The following DAB1 variants were observed in gnomAD, a reference collection of about 807,000 sequenced individuals.
The protein encoded by DAB1 is DAB adaptor protein 1, also known as disabled homolog 1.
In DAB1, 15 loss-of-function variants were observed where a neutral mutation model predicts 64.6. The observed-to-expected ratio is 0.23, with a 90% CI of 0.16 to 0.36. The LOEUF is 0.36. Among genes scored for constraint, DAB1 ranks in the 10% least tolerant of loss-of-function variants. The pLI is 1.00. For synonymous variants in DAB1, 235 were observed against 251.9 expected (o/e 0.93, Z 0.64); for missense variants, 596 against 706.7 (o/e 0.84, Z 1.78).
rs555367137 is a variant in DAB1, at chr1:58,326,833, C to G, written n.309+16519G>C. Among the ~76,000 whole-genome samples the G allele has an allele frequency of 4.6e-5, 7 of 152,326 alleles. No individual in the cohort carries two copies. The East Asian group carries it at 9.7e-4, about 21-fold the overall frequency. ...TTCCCTGCAGCCCACCTTCCAAACC[C>G]CTCAGCCCCTATCCCCATCCCAGAC... On this transcript the variant is annotated intron_variant and non_coding_transcript_variant, in intron 4 of 20. Coordinates refer to the DAB1 transcript ENST00000485760.
At chr1:57,005,586 A>G (rs1646038417) in intron 14 of DAB1, among the ~76,000 whole-genome samples, 1 of 152,190 alleles carries the variant, frequency 6.6e-6, no homozygotes, top group South Asian at 2.1e-4. Flanking sequence ...TCAGAGCTGG[A>G]AGGACCTGTG....
chr1:57,449,473 A>G (rs1378463072), intron 7 of DAB1, among the ~76,000 whole-genome samples: 1 of 150,720 alleles, frequency 6.6e-6, no homozygotes, highest in East Asian at 2.0e-4. Flanking sequence ...CTCAAACTCT[A>G]GGGCTTAAGA....
chr1:58,542,990 T>TTTA (rs372514731), intron 1 of DAB1, among the ~76,000 whole-genome samples: 3 of 145,232 alleles, frequency 2.1e-5, no homozygotes, highest in African/African-American at 7.6e-5. Flanking sequence ...AAAGCTTTTT[T>TTTA]AAAAAAAAAA....
chr1:57,205,369 C>T (rs1024990588), intron 2 of DAB1, among the ~76,000 whole-genome samples: 7 of 152,152 alleles, frequency 4.6e-5, no homozygotes, highest in African/African-American at 1.4e-4. Flanking sequence ...ACAAAATAGG[C>T]GAAGTCTCTA....
chr1:57,681,881 C>T (rs1646640044), intron 6 of DAB1, among the ~76,000 whole-genome samples: 1 of 152,122 alleles, frequency 6.6e-6, no homozygotes. Flanking sequence ...AAGAGTCAGT[C>T]AGCCCCATGC....
chr1:58,314,876 C>T (rs937756198), intron 4 of DAB1, among the ~76,000 whole-genome samples: 3 of 152,180 alleles, frequency 2.0e-5, no homozygotes, highest in Non-Finnish European at 4.4e-5. Context: ...TGATCCCTAT[C>T]ACATCTCCAT....
chr1:58,507,941 A>T (rs1286291414), intron 2 of DAB1, among the ~76,000 whole-genome samples: 1 of 152,208 alleles, frequency 6.6e-6, no homozygotes, highest in African/African-American at 2.4e-5. Flanking sequence ...AATGGACTAC[A>T]AATTCACGAA....
chr1:57,792,962 C>T (rs1007636865), intron 6 of DAB1, among the ~76,000 whole-genome samples: 10 of 152,170 alleles, frequency 6.6e-5, no homozygotes, highest in East Asian at 1.9e-4. Context: ...CACATTGTTA[C>T]GCATGATTTT....
chr1:57,256,662 T>C (rs1211789968), intron 2 of DAB1, among the ~76,000 whole-genome samples: 1 of 152,262 alleles, frequency 6.6e-6, no homozygotes. Context: ...TTCCTTTTAC[T>C]ATCTTGCCTT....
At chr1:57,356,149 T>C (rs1033915301) in intron 1 of DAB1, among the ~76,000 whole-genome samples, 1 of 152,116 alleles carries the variant, frequency 6.6e-6, no homozygotes, top group Non-Finnish European at 1.5e-5. Flanking sequence ...CACATAGTAG[T>C]CAGTGAATGT....
chr1:57,568,140 A>G (rs1317696370), intron 7 of DAB1, among the ~76,000 whole-genome samples: 15 of 152,208 alleles, frequency 9.9e-5, no homozygotes, highest in African/African-American at 3.6e-4. Flanking sequence ...CAACTATCTG[A>G]TCTTTGACAA....
chr1:58,033,331 A>G (rs1646997602), intron 5 of DAB1, among the ~76,000 whole-genome samples: 1 of 152,148 alleles, frequency 6.6e-6, no homozygotes, highest in African/African-American at 2.4e-5. Flanking sequence ...TAATCAGTTC[A>G]GTGTCCTTTC....
intron 5 of DAB1, among the ~76,000 whole-genome samples, chr1:57,937,532 G>C (rs942654031): frequency 1.3e-5 from 2 of 152,122 alleles, no homozygotes; most frequent in Non-Finnish European, 2.9e-5. Flanking sequence ...ATACCAATAA[G>C]AGGCAGGGAA....
chr1:57,235,949 A>G (rs1264865299), intron 2 of DAB1, among the ~76,000 whole-genome samples: 5 of 152,232 alleles, frequency 3.3e-5, no homozygotes, highest in Admixed American at 3.3e-4. Flanking sequence ...AATTGAAAGC[A>G]GCAGTCTCTT....
chr1:57,015,546 G>A (rs1646402656), intron 11 of DAB1, 115 bp from the exon 12 acceptor site: 2 of 948,052 alleles, frequency 2.1e-6, no homozygotes, highest in East Asian at 5.3e-5. Context: ...GCCAGACTGT[G>A]TGCCAGGGAC....
At chr1:57,038,263 T>C (rs751354806) in intron 9 of DAB1, among the ~76,000 whole-genome samples, 83 of 152,236 alleles carry the variant, frequency 5.5e-4, no homozygotes, top group Non-Finnish European at 9.6e-4. Context: ...GAAATCAAAT[T>C]CAGTTTGCAA....
At chr1:57,870,117 C>A (rs951088553) in intron 1 of DAB1, among the ~76,000 whole-genome samples, 1 of 152,084 alleles carries the variant, frequency 6.6e-6, no homozygotes, top group African/African-American at 2.4e-5. Flanking sequence ...TCATACCTAC[C>A]TTGCAGGTTT....
At chr1:57,059,704 A>C (rs1283537183) in intron 9 of DAB1, among the ~76,000 whole-genome samples, 1 of 151,974 alleles carries the variant, frequency 6.6e-6, no homozygotes, top group Non-Finnish European at 1.5e-5. Context: ...TTTCCAATAC[A>C]TAAACTACTC....
chr1:57,647,663 T>C (rs1166258623), intron 7 of DAB1, among the ~76,000 whole-genome samples: 1 of 152,188 alleles, frequency 6.6e-6, no homozygotes, highest in Admixed American at 6.5e-5. Context: ...AAACAGAATA[T>C]ATCAATAGGT....
Sources: gnomAD v4.1 joint callset for allele counts (sites outside exome capture counted in the v4.1 genomes callset) on GRCh38, gnomAD v4.1.1 for gene constraint, MANE v1.5 for transcripts, NCBI Gene and HGNC (gene_info 2026-07-23, HGNC 2026-07-21) for gene names.